The following FNBP1 variants were observed in gnomAD, a reference collection of about 807,000 sequenced individuals.
FNBP1 encodes the protein formin binding protein 1.
In FNBP1, 26 loss-of-function variants were observed where a neutral mutation model predicts 90.6. That is an observed-to-expected ratio of 0.29 (90% confidence interval 0.21 to 0.40). FNBP1 has a LOEUF of 0.40. FNBP1 is among the 10% of genes least tolerant of loss of function. The pLI, the probability that FNBP1 is intolerant of heterozygous loss-of-function variation, is 1.00. For missense variants in FNBP1, 635 were observed against 768.0 expected, an observed-to-expected ratio of 0.83 and a Z score of 2.05; for synonymous variants, 260 against 265.2, an observed-to-expected ratio of 0.98 and a Z score of 0.19.
intron 10 of FNBP1, among the ~76,000 whole-genome samples, chr9:129,921,842 T>C (rs564002207): frequency 6.6e-6 from 1 of 152,304 alleles, no homozygotes; most frequent in South Asian, 2.1e-4. Flanking sequence ...AGTTAATTAG[T>C]TGTAGTTTAG....
chr9:129,977,037 G>A (rs909194697), intron 4 of FNBP1, among the ~76,000 whole-genome samples: 14 of 151,806 alleles, frequency 9.2e-5, no homozygotes, highest in Admixed American at 4.6e-4. Context: ...GCATGGTGGC[G>A]GGCACCTGTA....
At chr9:130,045,956 T>C (rs2060057479), upstream of FNBP1, among the ~76,000 whole-genome samples, 1 of 152,186 alleles carries the variant, frequency 6.6e-6, no homozygotes, top group African/African-American at 2.4e-5. Context: ...AGGGGTACTC[T>C]AAACTCTATG....
intron 1 of FNBP1, among the ~76,000 whole-genome samples, chr9:130,016,603 C>T (rs186059212): frequency 1.2e-4 from 19 of 152,128 alleles, no homozygotes; most frequent in East Asian, 9.7e-4. Context: ...ATTAGCTGGG[C>T]GTGGTGGTGC....
At chr9:130,019,215 GT>G (rs1381077375) in intron 1 of FNBP1, among the ~76,000 whole-genome samples, 3 of 150,730 alleles carry the variant, frequency 2.0e-5, no homozygotes, top group African/African-American at 7.3e-5. Flanking sequence ...CTGGATGAGA[GT>G]TAGACTTCCA....
intron 11 of FNBP1, among the ~76,000 whole-genome samples, chr9:129,913,441 G>A (rs2039701049): frequency 6.6e-6 from 1 of 152,038 alleles, no homozygotes; most frequent in African/African-American, 2.4e-5. Flanking sequence ...TTAAGTGGCT[G>A]GAGTTCTGTA....
chr9:129,947,983 T>TA (rs1564404539), intron 6 of FNBP1, among the ~76,000 whole-genome samples: 16 of 143,264 alleles, frequency 1.1e-4, no homozygotes, highest in South Asian at 4.5e-4. Context: ...TCCCTTAAAT[T>TA]TAAAAAAAAA....
At chr9:129,909,887 G>C (rs567177924) in intron 11 of FNBP1, among the ~76,000 whole-genome samples, 3 of 152,180 alleles carry the variant, frequency 2.0e-5, no homozygotes, top group African/African-American at 7.2e-5. Context: ...GCCCAGCCTA[G>C]TGACTTCTTT....
At chr9:129,905,600 T>A (rs60731594) in intron 12 of FNBP1, among the ~76,000 whole-genome samples, 1 of 151,996 alleles carries the variant, frequency 6.6e-6, no homozygotes, top group African/African-American at 2.4e-5. Context: ...TGAGCCACCA[T>A]GCCCAGCCGC....
Position 129,957,326 on chromosome 9 carries a change from C to T in FNBP1, c.513+34G>A, listed in dbSNP as rs1011755902. On this transcript the variant is annotated intron_variant, in intron 6 of 16. Transcript: ENST00000446176. The surrounding 1 kb of genome is among the most constrained non-coding windows in gnomAD (Gnocchi z 4.3). ...GTGCTGGGATTACAGGCGTGAGCCA[C>T]CGTGCCCGGCCCACACTTGAGCTTT... The T allele has an allele frequency of 3.4e-6, 5 of 1,480,420 alleles. No individual in the cohort carries two copies. In the African/African-American group the frequency reaches 6.9e-5, roughly 21 times the overall value. 91.7% of individuals were successfully genotyped at this position (1,480,420 alleles called of 1,614,324 possible). A position where few individuals can be genotyped will look rare whatever the true frequency, so the allele number is the denominator to read the frequency against.
Position 129,979,409 on chromosome 9 carries a change from A to G in FNBP1, c.141-35T>C, listed in dbSNP as rs778870845. ...AAATGCAGACATGTCAGCTTTATAT[A>G]GAAAGAGAATTAAGAAATCAGGAAT... On this transcript the variant is annotated intron_variant, in intron 2 of 16. Coordinates refer to ENST00000446176, the MANE Select transcript of FNBP1 (RefSeq NM_015033.3). 1.2e-5 allele frequency: 17 copies of G among 1,445,946 alleles called. No homozygotes were observed. The Admixed American group carries it at 2.4e-4, about 21-fold the overall frequency. The allele number at this position is 1,445,946 out of a possible 1,614,324, so 89.6% of individuals were successfully genotyped here. A position where few individuals can be genotyped will look rare whatever the true frequency, so the allele number is the denominator to read the frequency against.
chr9:129,895,067 A>C (rs2035508716), intron 16 of FNBP1, among the ~76,000 whole-genome samples: 1 of 152,130 alleles, frequency 6.6e-6, no homozygotes, highest in Non-Finnish European at 1.5e-5. Context: ...AACAACAACA[A>C]AAACACAAAC....
chr9:129,962,773 T>G (rs1276533020), intron 4 of FNBP1, among the ~76,000 whole-genome samples: 1 of 152,108 alleles, frequency 6.6e-6, no homozygotes, highest in African/African-American at 2.4e-5. Context: ...AAAGAAGGGA[T>G]CCAGGCTGTG....
intron 1 of FNBP1, among the ~76,000 whole-genome samples, chr9:130,020,205 CTTTTCT>C (rs1428183180): frequency 6.6e-6 from 1 of 152,020 alleles, no homozygotes; most frequent in East Asian, 1.9e-4. Flanking sequence ...GGTCTTTTGA[CTTTTCT>C]TTTTCGTTTC....
intron 4 of FNBP1, among the ~76,000 whole-genome samples, chr9:129,975,407 C>T (rs1343576741): frequency 6.6e-6 from 1 of 152,142 alleles, no homozygotes; most frequent in African/African-American, 2.4e-5. Flanking sequence ...CCTGTACTTG[C>T]AGTTCTTCTT....
At chr9:129,995,049 TACAAA>T in intron 1 of FNBP1, 91 bp from the exon 2 acceptor site, 2 of 698,308 alleles carry the variant, frequency 2.9e-6, no homozygotes, top group Non-Finnish European at 5.0e-6. Flanking sequence ...TATTACTACA[TACAAA>T]GTAGTACTAA....
At chr9:129,926,227 C>T (rs1328780770) in intron 8 of FNBP1, among the ~76,000 whole-genome samples, 26 of 152,048 alleles carry the variant, frequency 1.7e-4, no homozygotes, top group Admixed American at 1.7e-3. Flanking sequence ...CCGCTCCGGC[C>T]TCCCAAAGTG....
At position 129,964,814 on chromosome 9, in the gene FNBP1, AAC is replaced by A. The variant is rs1236147929; in HGVS notation, c.346-6263_346-6262del. ...CTATTTATATAGATATTAAACCATT[AAC>A]AGTTAAAAGAGCAAAATATGGCACT... On this transcript the variant is annotated intron_variant, in intron 4 of 16. Transcript: ENST00000446176. 2.0e-5 allele frequency among the ~76,000 whole-genome samples: 3 copies of A among 152,014 alleles called. No homozygotes were observed. The East Asian group carries it at 5.8e-4, about 29-fold the overall frequency.
At chr9:129,961,016 C>T (rs1454505705) in intron 4 of FNBP1, among the ~76,000 whole-genome samples, 1 of 151,790 alleles carries the variant, frequency 6.6e-6, no homozygotes, top group Non-Finnish European at 1.5e-5. Flanking sequence ...TATGAGACTC[C>T]CAAGTAGAGA....
Position 129,925,014 on chromosome 9 carries a change from G to A in FNBP1, c.933C>T (p.Leu311=), listed in dbSNP as rs201375170. 1,070 of 1,613,880 alleles carry A rather than the reference G, an allele frequency of 6.6e-4. 1 individual carries two copies. Among genetic ancestry groups the A allele is most frequent in the Non-Finnish European group, 8.4e-4 (991 of 1,179,866 alleles). ...SNSRGEGKPD[L]KFGGKSKGKL... ...TTCCTTTGGATTTGCCACCAAATTT[G>A]AGGTCTGGTTTGCCTTCTCCTCTGG... is the stretch of plus-strand genomic sequence containing the variant. Residue 311 remains leucine, a synonymous_variant, in exon 9 of 17, where the codon CTC becomes CTT. Transcript: ENST00000446176.
Sources: allele counts gnomAD v4.1 joint callset (sites outside exome capture counted in the v4.1 genomes callset), GRCh38; gene constraint gnomAD v4.1.1; non-coding constraint Gnocchi (gnomAD v3.1); transcripts MANE v1.5; gene names NCBI Gene and HGNC (gene_info 2026-07-23, HGNC 2026-07-21).